Variants in CCDC171 observed in about 807,000 individuals in gnomAD.
CCDC171 encodes the protein coiled-coil domain containing 171.
Under a neutral mutation model 168.2 loss-of-function variants are expected in CCDC171, and 177 were observed. The observed-to-expected ratio is 1.05, with a 90% confidence interval of 0.93 to 1.19. CCDC171 has a LOEUF of 1.19. CCDC171 is among the 50% of genes most tolerant of loss of function. CCDC171 has a pLI of 0.00. For synonymous variants in CCDC171, 687 were observed against 540.8 expected (o/e 1.27, Z -3.75); for missense variants, 1,991 against 1,539.0 (o/e 1.29, Z -4.91).
intron 3 of CCDC171, among the ~76,000 whole-genome samples, chr9:15,572,004 G>C (rs1344571216): frequency 4.6e-5 from 7 of 152,088 alleles, no homozygotes; most frequent in Non-Finnish European, 1.0e-4. Flanking sequence ...GGGTTCAATT[G>C]ATTAAAATTA....
intron 1 of CCDC171, among the ~76,000 whole-genome samples, chr9:15,562,157 G>C (rs1018961461): frequency 2.6e-5 from 4 of 151,964 alleles, no homozygotes; most frequent in African/African-American, 9.7e-5. Context: ...ATCACGCCCA[G>C]CTAATTTTCT....
chr9:15,560,708 C>G (rs2039224314), intron 1 of CCDC171, among the ~76,000 whole-genome samples: 1 of 152,084 alleles, frequency 6.6e-6, no homozygotes. Context: ...TATTATTACC[C>G]ATCGTCTGAA....
chr9:16,089,698 T>C, the CCDC171 span, among the ~76,000 whole-genome samples: 1 of 151,536 alleles, frequency 6.6e-6, no homozygotes, highest in Non-Finnish European at 1.5e-5. Flanking sequence ...GGCAAAGGGC[T>C]AATATCCAGA....
chr9:15,681,461 C>T lies in CCDC171; in HGVS notation c.1215+2565C>T, dbSNP rs898048924. Among the ~76,000 whole-genome samples the T allele has an allele frequency of 2.0e-5, 3 of 151,874 alleles. No homozygotes were observed. In the South Asian group the frequency reaches 6.2e-4, roughly 32 times the overall value. On this transcript the variant is annotated intron_variant, in intron 10 of 25. Coordinates refer to ENST00000380701, the MANE Select transcript of CCDC171 (RefSeq NM_173550.4). Reference sequence around the variant, plus strand: ...TTCTTTCTTCTTCCCTGTTAGCTTTCTTTTAACTTTTTCTGTTTTATGCTT... The same window carrying T: ...TTCTTTCTTCTTCCCTGTTAGCTTTTTTTTAACTTTTTCTGTTTTATGCTT...
At chr9:15,624,947 C>G (rs1203941174) in intron 7 of CCDC171, among the ~76,000 whole-genome samples, 1 of 152,170 alleles carries the variant, frequency 6.6e-6, no homozygotes, top group African/African-American at 2.4e-5. Flanking sequence ...AAAAAGTGTT[C>G]CTATTTCTCC....
chr9:15,671,754 A>G (rs1343152558), intron 9 of CCDC171, among the ~76,000 whole-genome samples: 1 of 152,148 alleles, frequency 6.6e-6, no homozygotes, highest in Non-Finnish European at 1.5e-5. Flanking sequence ...AACCCAGTCT[A>G]TCATTGATGG....
At chr9:16,054,446 C>A (rs1833801475) in intron 1 of CCDC171, among the ~76,000 whole-genome samples, 1 of 152,088 alleles carries the variant, frequency 6.6e-6, no homozygotes, top group Admixed American at 6.5e-5. Context: ...AGGGCACCAG[C>A]TAGATGGGGA....
At chr9:15,678,420 T>C (rs1044970769) in intron 9 of CCDC171, among the ~76,000 whole-genome samples, 2 of 152,170 alleles carry the variant, frequency 1.3e-5, no homozygotes, top group Non-Finnish European at 2.9e-5. Flanking sequence ...ACTACTGTTT[T>C]CTCAGTCTTG....
At chr9:15,557,460 C>G (rs968887846) in intron 1 of CCDC171, among the ~76,000 whole-genome samples, 1 of 152,014 alleles carries the variant, frequency 6.6e-6, no homozygotes, top group Non-Finnish European at 1.5e-5. Context: ...CCTTCACTTC[C>G]TTTGTAAGTT....
chr9:15,796,644 C>T (rs560654910), intron 21 of CCDC171, among the ~76,000 whole-genome samples: 3 of 152,234 alleles, frequency 2.0e-5, no homozygotes, highest in East Asian at 1.9e-4. Flanking sequence ...CTCAACCCTG[C>T]GGTTGGGGAG....
intron 6 of CCDC171, among the ~76,000 whole-genome samples, chr9:15,597,643 G>A (rs538638149): frequency 1.2e-4 from 19 of 152,248 alleles, no homozygotes; most frequent in African/African-American, 3.9e-4. Context: ...TTCCTATCAG[G>A]ATGATGCTGG....
chr9:15,881,244 A>G (rs1414057820), intron 24 of CCDC171, among the ~76,000 whole-genome samples: 2 of 152,202 alleles, frequency 1.3e-5, no homozygotes, highest in Non-Finnish European at 2.9e-5. Flanking sequence ...GTAGAGCCCT[A>G]AGCAATGCTA....
chr9:15,799,450 C>A (rs540667888), intron 21 of CCDC171, among the ~76,000 whole-genome samples: 4 of 151,244 alleles, frequency 2.6e-5, no homozygotes, highest in African/African-American at 9.7e-5. Context: ...TAAAGGTTTT[C>A]TTTACAAATT....
intron 19 of CCDC171, among the ~76,000 whole-genome samples, chr9:15,778,351 A>AAAAAT (rs2057456727): frequency 8.3e-6 from 1 of 120,236 alleles, no homozygotes; most frequent in African/African-American, 2.9e-5. Flanking sequence ...AAAAAAAAAA[A>AAAAAT]TCACTGGCCA....
At chr9:15,757,440 T>C (rs984610909) in intron 18 of CCDC171, among the ~76,000 whole-genome samples, 1 of 152,196 alleles carries the variant, frequency 6.6e-6, no homozygotes, top group African/African-American at 2.4e-5. Flanking sequence ...AAGAAATTTC[T>C]AAGCAGCAAA....
At chr9:15,913,716 A>C (rs1233379128) in intron 24 of CCDC171, among the ~76,000 whole-genome samples, 2 of 152,220 alleles carry the variant, frequency 1.3e-5, no homozygotes, top group East Asian at 3.9e-4. Flanking sequence ...TTTGGAGAAG[A>C]GGGATTCTGG....
At chr9:15,952,800 C>G (rs182631405) in intron 25 of CCDC171, among the ~76,000 whole-genome samples, 1 of 152,290 alleles carries the variant, frequency 6.6e-6, no homozygotes, top group East Asian at 1.9e-4. Context: ...AATATTAAGT[C>G]TTCTAATCCA....
intron 11 of CCDC171, among the ~76,000 whole-genome samples, chr9:15,719,717 T>C (rs1588130545): frequency 6.6e-6 from 1 of 152,198 alleles, no homozygotes; most frequent in Non-Finnish European, 1.5e-5. Flanking sequence ...TTTTGTCCCA[T>C]TACTCTTCAG....
chr9:15,649,249 A>T (rs1278020696), intron 7 of CCDC171, among the ~76,000 whole-genome samples: 1 of 152,238 alleles, frequency 6.6e-6, no homozygotes, highest in Non-Finnish European at 1.5e-5. Context: ...AAGTTAATTC[A>T]AGATGAATTA....
Sources: gnomAD v4.1 joint callset for allele counts (sites outside exome capture counted in the v4.1 genomes callset) on GRCh38, gnomAD v4.1.1 for gene constraint, MANE v1.5 for transcripts, NCBI Gene and HGNC (gene_info 2026-07-23, HGNC 2026-07-21) for gene names.